The following STPG2 variants were observed in gnomAD, a reference collection of about 807,000 sequenced individuals.
The protein encoded by STPG2 is sperm tail PG-rich repeat containing 2, also known as sperm-tail PG-rich repeat-containing protein 2.
In STPG2, 56 loss-of-function variants were observed where a neutral mutation model predicts 54.2. That is an observed-to-expected ratio of 1.03 (90% CI 0.83 to 1.29). STPG2 has a LOEUF of 1.29. Among genes scored for constraint, STPG2 ranks in the 50% most tolerant of loss-of-function variants. STPG2 has a pLI of 0.00. For synonymous variants in STPG2, 200 were observed against 181.8 expected, an observed-to-expected ratio of 1.10 and a Z score of -0.81; for missense variants, 596 against 544.9, an observed-to-expected ratio of 1.09 and a Z score of -0.93.
chr4:97,738,778 C>A (rs1460708436), intron 9 of STPG2, among the ~76,000 whole-genome samples: 1 of 152,052 alleles, frequency 6.6e-6, no homozygotes, highest in Non-Finnish European at 1.5e-5. Context: ...CTTTAACACC[C>A]CACTGTCAAC....
At chr4:97,935,763 TC>T (rs1732726684) in intron 8 of STPG2, among the ~76,000 whole-genome samples, 1 of 152,166 alleles carries the variant, frequency 6.6e-6, no homozygotes, top group Non-Finnish European at 1.5e-5. Flanking sequence ...TGATTTCTGT[TC>T]TTTTGCATTT....
At chr4:97,678,773 C>A in intron 10 of STPG2, among the ~76,000 whole-genome samples, 1 of 138,000 alleles carries the variant, frequency 7.2e-6, no homozygotes. Flanking sequence ...TATCCCTCCA[C>A]CCTCCCCCGA....
chr4:97,967,277 C>T (rs1466160879), intron 7 of STPG2, among the ~76,000 whole-genome samples: 1 of 150,704 alleles, frequency 6.6e-6, no homozygotes, highest in East Asian at 1.9e-4. Flanking sequence ...AAGGCCATTA[C>T]ATAATGGTAA....
At chr4:98,075,431 A>C (rs139282096) in intron 5 of STPG2, among the ~76,000 whole-genome samples, 1 of 152,286 alleles carries the variant, frequency 6.6e-6, no homozygotes, top group Non-Finnish European at 1.5e-5. Flanking sequence ...CTAGCCTTTT[A>C]TGCTTAGTAT....
At chr4:97,658,071 A>AT (rs1461870402) in intron 10 of STPG2, among the ~76,000 whole-genome samples, 1 of 152,096 alleles carries the variant, frequency 6.6e-6, no homozygotes, top group Non-Finnish European at 1.5e-5. Flanking sequence ...ATGATGATGG[A>AT]TTTTTCTAAA....
chr4:98,007,668 T>C (rs548168180), intron 5 of STPG2, among the ~76,000 whole-genome samples: 1 of 151,798 alleles, frequency 6.6e-6, no homozygotes, highest in African/African-American at 2.4e-5. Context: ...TTAATGAAAC[T>C]CAATGAGATC....
intron 8 of STPG2, among the ~76,000 whole-genome samples, chr4:97,853,180 G>A (rs748090921): frequency 1.9e-4 from 29 of 151,642 alleles, no homozygotes; most frequent in Non-Finnish European, 3.7e-4. Flanking sequence ...GGGTTTCACC[G>A]TGGTCTAGAT....
At chr4:97,493,950 C>T (rs72617710) in intron 4 of STPG2, among the ~76,000 whole-genome samples, 9,546 of 151,480 alleles carry the variant, frequency 0.063, 463 homozygotes, top group Admixed American at 0.14. Flanking sequence ...AGTTGTTAAA[C>T]AGATTTAACA....
intron 8 of STPG2, 53 bp from the exon 9 acceptor site, chr4:97,840,985 CA>C: frequency 6.5e-7 from 1 of 1,549,512 alleles, no homozygotes; most frequent in Non-Finnish European, 8.8e-7. Context: ...TGAAAATATC[CA>C]AGAAGATACC....
At chr4:97,441,868 C>T (rs965293264) in intron 4 of STPG2, among the ~76,000 whole-genome samples, 7 of 151,648 alleles carry the variant, frequency 4.6e-5, no homozygotes, top group South Asian at 2.1e-4. Flanking sequence ...TAAAATGTTA[C>T]GACAGAGCAA....
chr4:97,687,087 C>G (rs1293836502), intron 10 of STPG2, among the ~76,000 whole-genome samples: 1 of 151,666 alleles, frequency 6.6e-6, no homozygotes, highest in African/African-American at 2.4e-5. Context: ...ACTACAGGCG[C>G]TGGCCACCAC....
intron 9 of STPG2, among the ~76,000 whole-genome samples, chr4:97,768,694 G>T (rs1255212887): frequency 6.6e-6 from 1 of 151,928 alleles, no homozygotes; most frequent in Non-Finnish European, 1.5e-5. Flanking sequence ...TCCATAGTTT[G>T]GTGGTCTCTC....
Position 97,502,157 on chromosome 4 carries a change from T to C in STPG2, c.462+210542A>G, listed in dbSNP as rs149048117. Among the ~76,000 whole-genome samples, 292 of 152,032 alleles carry C rather than the reference T, an allele frequency of 1.9e-3. 1 individual carries two copies. The highest frequency in any genetic ancestry group is 6.5e-3 in the African/African-American group (270 of 41,522). On this transcript the variant is annotated intron_variant, in intron 4 of 4. Transcript: ENST00000522676. ...AGTGAAATAAAAAGTTTAAGGAATATAATAAAGTAATATTTCTAAGACCTG... is the reference window on the plus strand; with the variant it reads ...AGTGAAATAAAAAGTTTAAGGAATACAATAAAGTAATATTTCTAAGACCTG...
intron 9 of STPG2, among the ~76,000 whole-genome samples, chr4:97,771,094 A>G (rs1285139173): frequency 6.6e-6 from 1 of 152,182 alleles, no homozygotes; most frequent in African/African-American, 2.4e-5. Context: ...CTATTATTCA[A>G]CTTTGGAAAA....
intron 1 of STPG2, among the ~76,000 whole-genome samples, chr4:98,139,908 T>C (rs899863470): frequency 5.9e-5 from 9 of 152,244 alleles, no homozygotes; most frequent in Admixed American, 2.0e-4. Context: ...AACTTATGTG[T>C]TATGGTATTC....
intron 4 of STPG2, among the ~76,000 whole-genome samples, chr4:97,495,895 T>A (rs1385280094): frequency 1.3e-5 from 2 of 151,638 alleles, no homozygotes; most frequent in African/African-American, 4.8e-5. Flanking sequence ...TAAGTAGCTA[T>A]TATCCACATG....
intron 7 of STPG2, among the ~76,000 whole-genome samples, chr4:97,967,822 A>G (rs1435755110): frequency 6.6e-6 from 1 of 152,198 alleles, no homozygotes; most frequent in Non-Finnish European, 1.5e-5. Context: ...GATAACAAAG[A>G]CACAACATAC....
intron 4 of STPG2, among the ~76,000 whole-genome samples, chr4:97,537,269 A>G (rs976132888): frequency 6.6e-6 from 1 of 152,184 alleles, no homozygotes; most frequent in Non-Finnish European, 1.5e-5. Flanking sequence ...GGGAAGCACA[A>G]GGGGTCAGGG....
chr4:98,079,741 C>CA (rs1420919843), intron 5 of STPG2, among the ~76,000 whole-genome samples: 6 of 151,800 alleles, frequency 4.0e-5, no homozygotes, highest in Non-Finnish European at 4.4e-5. Context: ...ATATGAGAAA[C>CA]AAAAAAGGTA....
Sources: allele counts gnomAD v4.1 joint callset (sites outside exome capture counted in the v4.1 genomes callset), GRCh38; gene constraint gnomAD v4.1.1; transcripts MANE v1.5; gene names NCBI Gene and HGNC (gene_info 2026-07-23, HGNC 2026-07-21).